DNAH12: variants seen among roughly 807,000 people sequenced by gnomAD.
DNAH12 encodes the protein dynein axonemal heavy chain 12.
In DNAH12, 285 loss-of-function variants were observed where a neutral mutation model predicts 371.5. That is an observed-to-expected ratio of 0.77 (90% CI 0.70 to 0.85). DNAH12 has a LOEUF of 0.85. Ranked by LOEUF, DNAH12 falls within the 40% of genes least tolerant of loss-of-function variation. The pLI is 0.00. For missense variants in DNAH12, 3,611 were observed against 3,689.4 expected (o/e 0.98, Z 0.55); for synonymous variants, 1,200 against 1,213.0 (o/e 0.99, Z 0.22).
Position 57,523,899 on chromosome 3 carries a change from T to C in DNAH12, c.171-15A>G. 2 of 1,553,474 alleles carry C rather than the reference T, an allele frequency of 1.3e-6. No homozygotes were observed. The highest frequency in any genetic ancestry group is 1.2e-5 in the South Asian group (1 of 84,628). ...CTCCATCAATTCTGAAATTTATAGTTAGAAATATGACTCTCTTGATAACAT... is the reference window on the plus strand; with the variant it reads ...CTCCATCAATTCTGAAATTTATAGTCAGAAATATGACTCTCTTGATAACAT... On this transcript the variant is annotated splice_polypyrimidine_tract_variant and intron_variant, in intron 2 of 73. Coordinates refer to ENST00000495027, the MANE Select transcript of DNAH12 (RefSeq NM_001366028.2).
Position 57,334,797 on chromosome 3 carries a change from G to A in DNAH12, c.9818C>T (p.Ala3273Val), listed in dbSNP as rs898709441. Reference sequence around the variant, plus strand: ...AAACAATCACCTGAGTCCTCTGAAGGCAGGAAATTCACTTGCCCGACAGAT... The same window carrying A: ...AAACAATCACCTGAGTCCTCTGAAGACAGGAAATTCACTTGCCCGACAGAT... ...EEICRASEFP[A>V]FRGLRQHFCE... Residue 3273 changes from alanine to valine, a missense_variant, in exon 61 of 74, where the codon GCC (alanine) becomes GTC (valine). Transcript: ENST00000495027. 56 of 1,551,054 alleles carry A rather than the reference G, an allele frequency of 3.6e-5. No individual in the cohort carries two copies. Among genetic ancestry groups the A allele is most frequent in the Non-Finnish European group, 4.6e-5 (53 of 1,146,882 alleles).
chr3:57,438,516 T>TAC (rs1246991702), intron 29 of DNAH12, among the ~76,000 whole-genome samples: 1 of 152,090 alleles, frequency 6.6e-6, no homozygotes, highest in South Asian at 2.1e-4. Context: ...AATATGATGC[T>TAC]ACACCTAGAA....
At chr3:57,388,476 C>A (rs952888314) in intron 45 of DNAH12, among the ~76,000 whole-genome samples, 50 of 151,674 alleles carry the variant, frequency 3.3e-4, no homozygotes, top group Non-Finnish European at 3.1e-4. Flanking sequence ...TGGTGTCTAG[C>A]CTAAGCACAT....
chr3:57,374,172 A>G (rs2063233971), intron 55 of DNAH12, among the ~76,000 whole-genome samples: 1 of 152,196 alleles, frequency 6.6e-6, no homozygotes, highest in Non-Finnish European at 1.5e-5. Flanking sequence ...TGACTCTATC[A>G]CTTATTCACT....
At chr3:57,351,615 G>A (rs1489125818) in intron 60 of DNAH12, among the ~76,000 whole-genome samples, 3 of 152,162 alleles carry the variant, frequency 2.0e-5, no homozygotes, top group Non-Finnish European at 4.4e-5. Flanking sequence ...CCACATGGAT[G>A]AATCTCAAAA....
intron 60 of DNAH12, among the ~76,000 whole-genome samples, chr3:57,339,284 T>C (rs2062330674): frequency 6.6e-6 from 1 of 151,948 alleles, no homozygotes; most frequent in Admixed American, 6.6e-5. Context: ...GAGACCTTTG[T>C]TCACGTGTTT....
At chr3:57,452,136 C>T (rs181825085) in intron 25 of DNAH12, among the ~76,000 whole-genome samples, 1 of 152,162 alleles carries the variant, frequency 6.6e-6, no homozygotes, top group East Asian at 1.9e-4. Context: ...GAATTGAGGT[C>T]GCTGCAGTCT....
At chr3:57,496,664 T>G (rs1474171102) in intron 11 of DNAH12, among the ~76,000 whole-genome samples, 3 of 152,100 alleles carry the variant, frequency 2.0e-5, no homozygotes, top group African/African-American at 7.2e-5. Flanking sequence ...TAAATAAAAA[T>G]TGCTATTAAA....
chr3:57,463,103 T>C (rs1448434905), intron 17 of DNAH12, among the ~76,000 whole-genome samples: 3 of 151,950 alleles, frequency 2.0e-5, no homozygotes, highest in African/African-American at 7.2e-5. Context: ...AGGAAAATTA[T>C]AAGAGTAAAC....
At chr3:57,364,802 CA>C (rs2063010912) in intron 57 of DNAH12, among the ~76,000 whole-genome samples, 1 of 152,122 alleles carries the variant, frequency 6.6e-6, no homozygotes, top group South Asian at 2.1e-4. Flanking sequence ...AAAAAATGGG[CA>C]AAGGACATAA....
intron 60 of DNAH12, 107 bp downstream of exon 60, chr3:57,351,978 C>G: frequency 3.4e-6 from 4 of 1,177,396 alleles, no homozygotes; most frequent in Non-Finnish European, 4.6e-6. Flanking sequence ...AAAATCATGA[C>G]TTAAGCGAAG....
intron 65 of DNAH12, among the ~76,000 whole-genome samples, chr3:57,319,586 T>C (rs965037966): frequency 6.6e-6 from 1 of 152,208 alleles, no homozygotes; most frequent in African/African-American, 2.4e-5. Flanking sequence ...TGGTTTTGTT[T>C]TGTTTCTTCC....
rs1386327196 is a variant in DNAH12, at chr3:57,446,680, A to G, written c.3796T>C (p.Phe1266Leu). The G allele has an allele frequency of 6.7e-7, 1 of 1,502,078 alleles. No homozygotes were observed. The allele number at this position is 1,502,078 out of a possible 1,614,324, so 93.0% of individuals were successfully genotyped here. ...DRCYRTLIGA[F>L]YLNLGGAPEG... is the part of the protein sequence containing the mutation. ...GGAGCACCTCCAAGGTTTAAATAGA[A>G]AGCACCTATCTGAAATGAAAAACAC... The change falls in exon 26 of 74, where the codon TTC becomes CTC. Residue 1266 changes from phenylalanine (F) to leucine (L), a missense_variant. Around this residue, in one of 3 missense-constraint regions of DNAH12, gnomAD observed 2,266 missense variants for 2,236.9 expected, o/e 1.01. Transcript: ENST00000495027.
rs776907581 is a variant in DNAH12 at position 57,457,813 on chromosome 3, A to T, written c.3244T>A (p.Ser1082Thr). 7 of 1,551,584 alleles carry T rather than the reference A, an allele frequency of 4.5e-6. No homozygotes were observed. In the South Asian group the frequency reaches 8.3e-5, roughly 18 times the overall value. The change falls in exon 22 of 74, where the codon TCT becomes ACT. Residue 1082 changes from serine to threonine, a missense_variant. Ser to Thr is a moderately conservative substitution (Grantham distance 58, BLOSUM62 1). Around this residue, in one of 3 missense-constraint regions of DNAH12, gnomAD observed 1,314 missense variants for 1,398.7 expected, o/e 0.94. Coordinates refer to ENST00000495027, the MANE Select transcript of DNAH12 (RefSeq NM_001366028.2). ...RVELIALISTSAARGAVEKWL... is the reference protein window; with the variant it reads ...RVELIALISTTAARGAVEKWL... ...TTTTCCACAGCACCCCGCGCTGCAGACGTGGAAATGAGTGCAATCAGCTCC... is the reference window on the plus strand; with the variant it reads ...TTTTCCACAGCACCCCGCGCTGCAGTCGTGGAAATGAGTGCAATCAGCTCC...
intron 62 of DNAH12, among the ~76,000 whole-genome samples, chr3:57,324,564 A>C (rs903947397): frequency 6.6e-6 from 1 of 152,132 alleles, no homozygotes; most frequent in African/African-American, 2.4e-5. Context: ...GAAAGCCTTA[A>C]GAAAGAAAAA....
At chr3:57,298,336 TC>T (rs2061277134) in intron 70 of DNAH12, among the ~76,000 whole-genome samples, 1 of 152,168 alleles carries the variant, frequency 6.6e-6, no homozygotes, top group Non-Finnish European at 1.5e-5. Context: ...CACTCTCAAC[TC>T]CTCAAAGTTG....
intron 5 of DNAH12, 25 bp from the exon 6 acceptor site, chr3:57,509,237 C>T (rs1575706559): frequency 6.3e-7 from 1 of 1,595,386 alleles, no homozygotes; most frequent in Non-Finnish European, 8.6e-7. Flanking sequence ...TATATTAATG[C>T]TTCTTGAAAA....
intron 22 of DNAH12, among the ~76,000 whole-genome samples, chr3:57,456,518 A>T (rs2065906623): frequency 6.6e-6 from 1 of 152,202 alleles, no homozygotes; most frequent in South Asian, 2.1e-4. Context: ...GCCAAGTGTT[A>T]TCCTTCTTTC....
At chr3:57,505,560 C>T (rs2067725242) in intron 8 of DNAH12, among the ~76,000 whole-genome samples, 1 of 152,034 alleles carries the variant, frequency 6.6e-6, no homozygotes, top group Non-Finnish European at 1.5e-5. Context: ...CCTGCCTCAG[C>T]CCCCTGAGTA....
Sources: allele counts gnomAD v4.1 joint callset (sites outside exome capture counted in the v4.1 genomes callset), GRCh38; gene constraint gnomAD v4.1.1; regional missense constraint gnomAD v4.1.1; transcripts MANE v1.5; gene names NCBI Gene and HGNC (gene_info 2026-07-23, HGNC 2026-07-21).